The following NLRC5 variants were observed in gnomAD, a reference collection of about 807,000 sequenced individuals.
The protein encoded by NLRC5 is NLR family CARD domain containing 5.
A neutral mutation model predicts 206.9 loss-of-function variants in NLRC5; 114 were observed. That is an observed-to-expected ratio of 0.55 (90% CI 0.47 to 0.64). The LOEUF is 0.64. Ranked by LOEUF, NLRC5 falls within the 30% of genes least tolerant of loss-of-function variation. NLRC5 has a pLI of 0.00. For synonymous variants in NLRC5, 952 were observed against 962.8 expected, an observed-to-expected ratio of 0.99 and a Z score of 0.21; for missense variants, 2,008 against 2,305.5, an observed-to-expected ratio of 0.87 and a Z score of 2.64.
At position 57,026,906 on chromosome 16, in the gene NLRC5, A is replaced by T. The variant is rs143114973; in HGVS notation, c.1963A>T (p.Thr655Ser). Reference protein sequence around the residue: ...PLTCTDLATLTNILEHREAPI... With the variant: ...PLTCTDLATLSNILEHREAPI... ...GACCTGCACCGACCTGGCCACCCTG[A>T]CCAACATCCTAGAGCACAGGGAGGC... The change falls in exon 6 of 49, where the codon ACC becomes TCC. Residue 655 changes from threonine (T) to serine (S), a missense_variant. Thr to Ser is a moderately conservative substitution (Grantham distance 58). Transcript: ENST00000688547. 5 of 1,613,912 alleles carry T rather than the reference A, an allele frequency of 3.1e-6. No homozygotes were observed. In the African/African-American group the frequency reaches 6.7e-5, roughly 22 times the overall value.
chr16:57,031,479 G>A lies in NLRC5; in HGVS notation c.2477+16G>A, dbSNP rs539430029. 7 of 1,613,694 alleles carry A rather than the reference G, an allele frequency of 4.3e-6. No individual in the cohort carries two copies. In the South Asian group the frequency reaches 7.7e-5, roughly 18 times the overall value. ...AGCTACAAAGGTAAGAAGCCAAGAG[G>A]CGGTGGGCCTGGGGCCATCCTTAGA... On this transcript the variant is annotated intron_variant, in intron 11 of 48. Coordinates refer to ENST00000688547, the MANE Select transcript of NLRC5 (RefSeq NM_001384950.1).
intron 2 of NLRC5, among the ~76,000 whole-genome samples, chr16:57,019,215 GTGA>G (rs1457905297): frequency 2.2e-4 from 33 of 152,282 alleles, no homozygotes; most frequent in Middle Eastern, 3.4e-3. Context: ...GGCCAACATG[GTGA>G]AACCCCATCT....
chr16:57,033,996 G>C (rs145351445), intron 12 of NLRC5, among the ~76,000 whole-genome samples, 172 bp from the exon 13 acceptor site: 2 of 152,316 alleles, frequency 1.3e-5, no homozygotes, highest in African/African-American at 4.8e-5. Flanking sequence ...GGAGGAAACT[G>C]AGTCTCAGAC....
rs1567656747 is a variant in NLRC5 at position 57,082,423 on chromosome 16, G to A, written c.5496G>A (p.Trp1832Ter). 6.2e-7 allele frequency: 1 copy of A among 1,611,722 alleles called. No individual in the cohort carries two copies. Among genetic ancestry groups the A allele is most frequent in the Non-Finnish European group, 8.5e-7 (1 of 1,178,406 alleles). Residue 1832 changes from tryptophan (W) to a stop codon, truncating the protein, a stop_gained, in exon 49 of 49, where the codon TGG becomes TGA. Transcript: ENST00000688547. LOFTEE classifies it low-confidence loss of function (END_TRUNC). ...QGSSIQVIRL[W>*]NNPIPCDMAQ... Reference sequence around the variant, plus strand: ...CTATATCTGTGCCCCACAGCCTCTGGAATAACCCCATTCCCTGCGACATGG... The same window carrying A: ...CTATATCTGTGCCCCACAGCCTCTGAAATAACCCCATTCCCTGCGACATGG...
chr16:57,070,858 G>GGC (rs1567638957), intron 38 of NLRC5, among the ~76,000 whole-genome samples: 1 of 136,418 alleles, frequency 7.3e-6, no homozygotes, highest in African/African-American at 3.1e-5. Context: ...ATGGGGAAGG[G>GGC]TGTGAGAGTG....
chr16:57,007,806 G>A (rs1321736526), intron 1 of NLRC5, among the ~76,000 whole-genome samples: 1 of 152,088 alleles, frequency 6.6e-6, no homozygotes, highest in Non-Finnish European at 1.5e-5. Flanking sequence ...TTTCTATGAG[G>A]TCATTGGCTT....
chr16:57,030,238 G>T (rs571049049), intron 10 of NLRC5, among the ~76,000 whole-genome samples, 154 bp downstream of exon 10: 1 of 152,186 alleles, frequency 6.6e-6, no homozygotes. Flanking sequence ...CCTAGCTCAG[G>T]CTTGGCACCT....
At chr16:57,045,689 C>G (rs1258673181) in intron 21 of NLRC5, among the ~76,000 whole-genome samples, 197 bp downstream of exon 21, 1 of 152,130 alleles carries the variant, frequency 6.6e-6, no homozygotes, top group Non-Finnish European at 1.5e-5. Context: ...GCCCTGTTTT[C>G]CCCTTGGAAG....
rs762177649 is a variant in NLRC5, at chr16:57,066,307, T to TA, written c.4242-212dup. On this transcript the variant is annotated intron_variant, in intron 33 of 48. Transcript: ENST00000688547. ...GCTACAGAGCAAGACCCTGTCTCTT[T>TA]AAAAAAAAAAAAAAAGAAAGAGAAA... 7.7e-3 allele frequency among the ~76,000 whole-genome samples: 1,068 copies of TA among 138,592 alleles called. 3 individuals are homozygous for TA. Among genetic ancestry groups the TA allele is most frequent in the Non-Finnish European group, 0.01 (639 of 63,270 alleles). 90.9% of individuals were successfully genotyped at this position (138,592 alleles called of 152,430 possible).
intron 37 of NLRC5, 105 bp from the exon 38 acceptor site, chr16:57,070,430 G>A: frequency 1.1e-6 from 1 of 952,040 alleles, no homozygotes; most frequent in Non-Finnish European, 1.6e-6. Flanking sequence ...CAGATGCAGA[G>A]TTGGCCTCCC....
At chr16:57,051,187 C>T (rs913105955) in intron 23 of NLRC5, among the ~76,000 whole-genome samples, 9 of 152,152 alleles carry the variant, frequency 5.9e-5, no homozygotes, top group African/African-American at 1.2e-4. Flanking sequence ...ACATGTTTTG[C>T]GGAACACTAA....
In NLRC5 at chr16:57,036,131, T is replaced by C; in HGVS notation, c.2659T>C (p.Cys887Arg). The change falls in exon 14 of 49, where the codon TGT becomes CGT. Residue 887 changes from cysteine to arginine, a missense_variant. Transcript: ENST00000688547. ...AGGGAACCAGCTGGAAGATGAAGGC[T>C]GTCGGCTGATGGCAGAGGCTGCATC... Reference protein sequence around the residue: ...LSGNQLEDEGCRLMAEAASQL... With the variant: ...LSGNQLEDEGRRLMAEAASQL... The C allele has an allele frequency of 3.7e-6, 6 of 1,613,714 alleles. No homozygotes were observed. The highest frequency in any genetic ancestry group is 5.1e-6 in the Non-Finnish European group (6 of 1,180,024).
At chr16:57,079,415 T>C (rs1326177655) in intron 45 of NLRC5, 123 bp downstream of exon 45, 8 of 1,383,374 alleles carry the variant, frequency 5.8e-6, no homozygotes, top group Middle Eastern at 1.8e-4. Flanking sequence ...GGTGGGGGCC[T>C]GGCTCAAGAA....
chr16:57,066,384 C>T, intron 33 of NLRC5, 150 bp from the exon 34 acceptor site: 1 of 648,088 alleles, frequency 1.5e-6, no homozygotes, highest in Non-Finnish European at 2.8e-6. Context: ...ACGGAAGCAC[C>T]TACTTTCCAG....
rs758189731 is a variant in NLRC5, at chr16:57,043,527, C to T, written c.3126C>T (p.Asn1042=). The T allele has an allele frequency of 1.7e-5, 28 of 1,614,004 alleles. No homozygotes were observed. The highest frequency in any genetic ancestry group is 7.7e-5 in the South Asian group (7 of 91,078). ...GALQSLNLSE[N]GLSLDAVLGL... ...CTGTGATCTCCAGCCTCAGTGAGAA[C>T]GGTTTGTCCCTGGATGCCGTGTTGG... Residue 1042 remains asparagine (N), a synonymous_variant, in exon 20 of 49, where the codon AAC becomes AAT. Transcript: ENST00000688547.
chr16:57,082,192 T>G (rs946889801), intron 48 of NLRC5, among the ~76,000 whole-genome samples: 1 of 152,220 alleles, frequency 6.6e-6, no homozygotes, highest in African/African-American at 2.4e-5. Flanking sequence ...AGTGTGGCCT[T>G]AGCTGGCATC....
chr16:57,039,391 G>C (rs1478665919), intron 15 of NLRC5, among the ~76,000 whole-genome samples: 8 of 152,298 alleles, frequency 5.3e-5, no homozygotes, highest in Admixed American at 3.9e-4. Flanking sequence ...CTGGAGGCAG[G>C]GGGATGGAAC....
rs34531240 is a variant in NLRC5, at chr16:57,026,428, T to C, written c.1485T>C (p.Thr495=). The part of the protein sequence containing the change: ...IAFGATHSLL[T]SFCVCTGPGH... The stretch of plus-strand genomic sequence containing the variant: ...TTGGGGCCACTCACAGCCTGCTGAC[T>C]TCCTTCTGCGTCTGCACAGGCCCTG... Residue 495 remains threonine, a synonymous_variant, in exon 6 of 49, where the codon ACT becomes ACC. Coordinates refer to ENST00000688547, the MANE Select transcript of NLRC5 (RefSeq NM_001384950.1). 0.14 allele frequency: 226,412 copies of C among 1,614,040 alleles called. 22,928 individuals carry two copies. Among genetic ancestry groups the C allele is most frequent in the East Asian group, 0.59 (26,368 of 44,868 alleles).
chr16:57,046,656 C>T lies in NLRC5; in HGVS notation c.3338+15C>T, dbSNP rs776271999. ...AGGAGCCTCTGGTACTGTCCCAGCC[C>T]TTCTTGTTTGGGGGTAACCATAATA... On this transcript the variant is annotated intron_variant, in intron 22 of 48. Coordinates refer to ENST00000688547, the MANE Select transcript of NLRC5 (RefSeq NM_001384950.1). 8.0e-5 allele frequency: 128 copies of T among 1,609,770 alleles called. 2 individuals are homozygous for T. The South Asian group carries it at 1.4e-3, about 17-fold the overall frequency.
Sources: gnomAD v4.1 joint callset for allele counts (sites outside exome capture counted in the v4.1 genomes callset) on GRCh38, gnomAD v4.1.1 for gene constraint, MANE v1.5 for transcripts, NCBI Gene and HGNC (gene_info 2026-07-23, HGNC 2026-07-21) for gene names.